Variants in COL15A1 observed in about 807,000 individuals in gnomAD.
COL15A1 encodes the protein collagen alpha-1(XV) chain.
A neutral mutation model predicts 165.9 loss-of-function variants in COL15A1; 111 were observed. The observed-to-expected ratio is 0.67, with a 90% CI of 0.57 to 0.78. The LOEUF is 0.78. Among genes scored for constraint, COL15A1 ranks in the 30% least tolerant of loss-of-function variants. The pLI is 0.00. For synonymous variants in COL15A1, 659 were observed against 674.8 expected (o/e 0.98, Z 0.36); for missense variants, 1,745 against 1,789.7 (o/e 0.98, Z 0.45).
At chr9:98,962,312 G>A (rs1334511314) in intron 2 of COL15A1, among the ~76,000 whole-genome samples, 3 of 152,176 alleles carry the variant, frequency 2.0e-5, no homozygotes, top group South Asian at 2.1e-4. Context: ...CCCGTGAGAC[G>A]TGGGGGATGC....
At position 98,968,619 on chromosome 9, in the gene COL15A1, A is replaced by T. The variant is rs1289486082; in HGVS notation, c.101-16946A>T. On this transcript the variant is annotated intron_variant, in intron 2 of 41. Transcript: ENST00000375001. ...TGCAGGATGATCTTTTTATCTCAAG[A>T]TCCTTAACTTAATTACATCTCAAAG... Among the ~76,000 whole-genome samples the T allele has an allele frequency of 1.3e-5, 2 of 152,110 alleles. 1 individual carries two copies. The highest frequency in any genetic ancestry group is 2.9e-5 in the Non-Finnish European group (2 of 68,028).
intron 9 of COL15A1, among the ~76,000 whole-genome samples, chr9:99,014,957 G>A (rs1417645730): frequency 6.6e-6 from 1 of 152,180 alleles, no homozygotes; most frequent in Non-Finnish European, 1.5e-5. Context: ...GAGCAGAGGG[G>A]TGACTTTGAG....
At chr9:99,048,065 A>G (rs1839523522) in intron 28 of COL15A1, 65 bp downstream of exon 28, 1 of 851,920 alleles carries the variant, frequency 1.2e-6, no homozygotes, top group Non-Finnish European at 2.0e-6. Context: ...TGTGGGGTCC[A>G]CAGAGCAGGG....
chr9:98,957,205 G>C (rs1398733795), intron 2 of COL15A1, among the ~76,000 whole-genome samples: 1 of 152,240 alleles, frequency 6.6e-6, no homozygotes, highest in Non-Finnish European at 1.5e-5. Context: ...AATCAGAGTG[G>C]TGTGATGTGA....
At chr9:99,058,404 A>G (rs1018155340) in intron 35 of COL15A1, among the ~76,000 whole-genome samples, 4 of 152,182 alleles carry the variant, frequency 2.6e-5, no homozygotes, top group African/African-American at 7.2e-5. Flanking sequence ...AGATGAGGAC[A>G]CTGGTCCTAC....
chr9:98,988,689 G>A lies in COL15A1; in HGVS notation c.724-489G>A, dbSNP rs140443697. On this transcript the variant is annotated intron_variant, in intron 4 of 41. Transcript: ENST00000375001. ...TGTAATCCCAGCACTTTGGGAGGCCGAGGTGGGTGGATCACTTGCGGTCAG... is the reference window on the plus strand; with the variant it reads ...TGTAATCCCAGCACTTTGGGAGGCCAAGGTGGGTGGATCACTTGCGGTCAG... Among the ~76,000 whole-genome samples, 599 of 152,272 alleles carry A rather than the reference G, an allele frequency of 3.9e-3. 4 individuals carry two copies. The highest frequency in any genetic ancestry group is 6.5e-3 in the Non-Finnish European group (444 of 68,010).
intron 9 of COL15A1, among the ~76,000 whole-genome samples, chr9:99,014,728 G>A (rs1838900096): frequency 6.6e-6 from 1 of 152,184 alleles, no homozygotes; most frequent in Non-Finnish European, 1.5e-5. Context: ...ATGTGCCCAA[G>A]GTGGTTGGAG....
intron 7 of COL15A1, 147 bp from the exon 8 acceptor site, chr9:99,003,306 A>G: frequency 1.7e-6 from 1 of 596,418 alleles, no homozygotes; most frequent in Non-Finnish European, 2.7e-6. Context: ...CCCTGGATTT[A>G]TGAAACCATA....
chr9:99,057,789 A>G (rs895350283), intron 35 of COL15A1, among the ~76,000 whole-genome samples: 1 of 152,190 alleles, frequency 6.6e-6, no homozygotes, highest in African/African-American at 2.4e-5. Context: ...TTGGCTTGGC[A>G]GGAGCCAGGT....
intron 5 of COL15A1, among the ~76,000 whole-genome samples, chr9:98,991,993 T>A (rs1484413261): frequency 6.6e-6 from 1 of 152,244 alleles, no homozygotes; most frequent in Non-Finnish European, 1.5e-5. Context: ...GTGTTTACAA[T>A]CCTTTAGCTA....
At position 99,068,579 on chromosome 9, in the gene COL15A1, G is replaced by A. The variant is rs1825934078; in HGVS notation, c.3862G>A (p.Asp1288Asn). 1 of 1,540,446 alleles carries A rather than the reference G, an allele frequency of 6.5e-7. No individual in the cohort carries two copies. The highest frequency in any genetic ancestry group is 8.7e-7 in the Non-Finnish European group (1 of 1,152,808). ...LKGQVLFNNW[D>N]SIFSGHGGQF... ...GGGCCAAGTACTTTTTAATAATTGGGACTCAATTTTTTCTGGCCACGGAGG... is the reference window on the plus strand; with the variant it reads ...GGGCCAAGTACTTTTTAATAATTGGAACTCAATTTTTTCTGGCCACGGAGG... Residue 1288 changes from aspartate to asparagine, a missense_variant, in exon 41 of 42, where the codon GAC (aspartate) becomes AAC (asparagine). Asp to Asn is a conservative substitution (Grantham distance 23). Transcript: ENST00000375001.
At chr9:98,982,150 T>C (rs1363944940) in intron 2 of COL15A1, among the ~76,000 whole-genome samples, 4 of 151,686 alleles carry the variant, frequency 2.6e-5, no homozygotes, top group African/African-American at 9.7e-5. Context: ...ATAGGGTATT[T>C]CTTTGTTGCC....
rs576732233 is a variant in COL15A1, at chr9:98,975,773, G to A, written c.101-9792G>A. On this transcript the variant is annotated intron_variant, in intron 2 of 41. Transcript: ENST00000375001. The stretch of plus-strand genomic sequence containing the variant: ...GCTCAGGTTGTCTCTCCCTGTGTCC[G>A]TTCCTTCACAGCATCCCCTTGGCTC... Among the ~76,000 whole-genome samples the A allele has an allele frequency of 9.8e-5, 15 of 152,326 alleles. No homozygotes were observed. In the South Asian group the frequency reaches 2.1e-3, roughly 21 times the overall value.
At chr9:98,981,894 T>C (rs1838240590) in intron 2 of COL15A1, among the ~76,000 whole-genome samples, 1 of 152,042 alleles carries the variant, frequency 6.6e-6, no homozygotes, top group Non-Finnish European at 1.5e-5. Flanking sequence ...AGCCTCAAAC[T>C]CCTAGGCGCA....
chr9:99,014,468 T>C (rs1838896859), intron 9 of COL15A1, among the ~76,000 whole-genome samples: 1 of 152,192 alleles, frequency 6.6e-6, no homozygotes, highest in Non-Finnish European at 1.5e-5. Context: ...AGATCAGGGA[T>C]TCTCTGGAGG....
intron 14 of COL15A1, 119 bp downstream of exon 14, chr9:99,023,568 C>G: frequency 5.0e-6 from 3 of 605,748 alleles, no homozygotes; most frequent in Non-Finnish European, 9.1e-6. Context: ...GGGTTGCCGG[C>G]AGTGAGCTCA....
chr9:99,064,804 A>G (rs916213291), intron 39 of COL15A1, among the ~76,000 whole-genome samples: 5 of 152,194 alleles, frequency 3.3e-5, no homozygotes, highest in Admixed American at 6.5e-5. Context: ...AGTCAGTGGG[A>G]AGTGAAGGAA....
intron 4 of COL15A1, among the ~76,000 whole-genome samples, chr9:98,988,053 A>G (rs1838347220): frequency 6.6e-6 from 1 of 152,202 alleles, no homozygotes; most frequent in Non-Finnish European, 1.5e-5. Context: ...ACCAATGACA[A>G]GGGTGAGGCC....
chr9:99,068,540 A>AT lies in COL15A1; in HGVS notation c.3838-11dup. On this transcript the variant is annotated splice_polypyrimidine_tract_variant and intron_variant, in intron 40 of 41. Coordinates refer to ENST00000375001, the MANE Select transcript of COL15A1 (RefSeq NM_001855.5). ...GATGGTATAATGATTCTAATGTGGT[A>AT]TTTTGTCTCTATAGGGCCAAGTACT... is the stretch of plus-strand genomic sequence containing the variant. 8.1e-7 allele frequency: 1 copy of AT among 1,227,216 alleles called. No individual in the cohort carries two copies. The highest frequency in any genetic ancestry group is 1.7e-5 in the South Asian group (1 of 60,384). The allele number at this position is 1,227,216 out of a possible 1,614,324, so 76.0% of individuals were successfully genotyped here. A position where few individuals can be genotyped will look rare whatever the true frequency, so the allele number is the denominator to read the frequency against.
Sources: gnomAD v4.1 joint callset for allele counts (sites outside exome capture counted in the v4.1 genomes callset) on GRCh38, gnomAD v4.1.1 for gene constraint, MANE v1.5 for transcripts, NCBI Gene and HGNC (gene_info 2026-07-23, HGNC 2026-07-21) for gene names.